Variants in PLA2G10 observed in about 807,000 individuals in gnomAD.
PLA2G10 encodes the protein phospholipase A2 group X.
Under a neutral mutation model 7.9 loss-of-function variants are expected in PLA2G10, and 9 were observed. The ratio of observed to expected loss-of-function variants is 1.14; its 90% confidence interval spans 0.68 to 1.98. The LOEUF (loss-of-function observed/expected upper bound fraction) is 1.98. Ranked by LOEUF, PLA2G10 falls within the 30% of genes most tolerant of loss-of-function variation. PLA2G10 has a pLI of 0.00. For synonymous variants in PLA2G10, 19 were observed against 27.5 expected, an observed-to-expected ratio of 0.69 and a Z score of 0.97; for missense variants, 53 against 65.4, an observed-to-expected ratio of 0.81 and a Z score of 0.66.
At chr16:14,684,258 G>A (rs900995714) in intron 3 of PLA2G10, among the ~76,000 whole-genome samples, 5 of 142,072 alleles carry the variant, frequency 3.5e-5, no homozygotes, top group Non-Finnish European at 7.6e-5. Context: ...AATAGCTTGA[G>A]TTCAGGAGGC....
chr16:14,685,754 G>C (rs1293042942), intron 3 of PLA2G10, among the ~76,000 whole-genome samples: 1 of 151,902 alleles, frequency 6.6e-6, no homozygotes, highest in Admixed American at 6.6e-5. Context: ...GAGTGCAATG[G>C]TGCAGTCTCG....
intron 3 of PLA2G10, among the ~76,000 whole-genome samples, chr16:14,674,262 C>T (rs949705168): frequency 6.6e-6 from 1 of 152,182 alleles, no homozygotes; most frequent in Admixed American, 6.6e-5. Flanking sequence ...AAATACATCC[C>T]ATGCTCATGG....
Position 14,672,647 on chromosome 16 carries a change from G to T in PLA2G10, c.458C>A (p.Pro153His). 6.2e-7 allele frequency: 1 copy of T among 1,614,076 alleles called. No individual in the cohort carries two copies. The highest frequency in any genetic ancestry group is 8.5e-7 in the Non-Finnish European group (1 of 1,179,946). ...TEYNLKYLFY[P>H]QFLCEPDSPK... ...CGAGTCCGGCTCACATAGGAACTGG[G>T]GGTAGAAGAGGTACTTTAAGTTGTA... The change falls in exon 4 of 4, where the codon CCC becomes CAC. Residue 153 changes from proline to histidine, a missense_variant. By Grantham distance (77) the Pro-to-His change is moderately conservative (BLOSUM62 -2). This residue lies in a region of PLA2G10 where 48 missense variants were observed against 47.0 expected (regional missense o/e 1.02). Coordinates refer to ENST00000438167, the MANE Select transcript of PLA2G10 (RefSeq NM_003561.3).
intron 3 of PLA2G10, among the ~76,000 whole-genome samples, chr16:14,682,795 A>G (rs1960928262): frequency 6.6e-6 from 1 of 151,874 alleles, no homozygotes; most frequent in Non-Finnish European, 1.5e-5. Flanking sequence ...TCAGCTGGGC[A>G]TGGTGGCTCA....
intron 3 of PLA2G10, among the ~76,000 whole-genome samples, chr16:14,675,570 A>G (rs1162210784): frequency 1.3e-5 from 2 of 152,152 alleles, no homozygotes; most frequent in Non-Finnish European, 2.9e-5. Flanking sequence ...TGCAAACTAC[A>G]TATCTGACAA....
chr16:14,672,764 G>A lies in PLA2G10; in HGVS notation c.356-15C>T, dbSNP rs1341738140. 6.2e-7 allele frequency: 1 copy of A among 1,613,504 alleles called. No homozygotes were observed. The highest frequency in any genetic ancestry group is 8.5e-7 in the Non-Finnish European group (1 of 1,179,674). ...CTCTGCCGGTCCTGGAAGAAGTGGG[G>A]AAACTGAGATTAGAGCAGGGACCTG... On this transcript the variant is annotated splice_polypyrimidine_tract_variant and intron_variant, in intron 3 of 3. Transcript: ENST00000438167.
chr16:14,674,325 G>T (rs1379439569), intron 3 of PLA2G10, among the ~76,000 whole-genome samples: 1 of 152,144 alleles, frequency 6.6e-6, no homozygotes, highest in East Asian at 1.9e-4. Flanking sequence ...GCAATCTACA[G>T]ATTCAATGCA....
intron 3 of PLA2G10, among the ~76,000 whole-genome samples, chr16:14,682,365 G>C (rs983904278): frequency 6.6e-6 from 1 of 151,908 alleles, no homozygotes; most frequent in Non-Finnish European, 1.5e-5. Context: ...GATGGATCAG[G>C]AGTTCAAGAC....
chr16:14,677,939 T>C (rs189647152), intron 3 of PLA2G10, among the ~76,000 whole-genome samples: 27 of 152,114 alleles, frequency 1.8e-4, no homozygotes, highest in Admixed American at 1.6e-3. Flanking sequence ...GATGGATAGA[T>C]GGATGATAGG....
At chr16:14,680,845 A>G (rs1342678375) in intron 3 of PLA2G10, among the ~76,000 whole-genome samples, 1 of 152,066 alleles carries the variant, frequency 6.6e-6, no homozygotes, top group Non-Finnish European at 1.5e-5. Context: ...GTAGACTCAC[A>G]GTAATATTTG....
intron 3 of PLA2G10, among the ~76,000 whole-genome samples, chr16:14,676,412 G>A: frequency 6.6e-6 from 1 of 152,216 alleles, no homozygotes; most frequent in East Asian, 1.9e-4. Context: ...TGGGTGCAGT[G>A]GCTCACGCCT....
chr16:14,673,726 G>A lies in PLA2G10; in HGVS notation c.356-977C>T, dbSNP rs115623553. Among the ~76,000 whole-genome samples, 722 of 152,034 alleles carry A rather than the reference G, an allele frequency of 4.7e-3. 9 individuals carry two copies. The highest frequency in any genetic ancestry group is 0.016 in the African/African-American group (683 of 41,462). On this transcript the variant is annotated intron_variant, in intron 3 of 3. Transcript: ENST00000438167. ...CTCCTCAATATACTAGGCATAGAAG[G>A]AACATACCTCAAAATAATAAAAGTG... is the stretch of plus-strand genomic sequence containing the variant.
At chr16:14,674,425 T>C (rs1960671351) in intron 3 of PLA2G10, among the ~76,000 whole-genome samples, 1 of 152,146 alleles carries the variant, frequency 6.6e-6, no homozygotes, top group African/African-American at 2.4e-5. Context: ...CCAAATAGGC[T>C]GGGCACAGTG....
chr16:14,687,182 T>A (rs948622433), intron 3 of PLA2G10, among the ~76,000 whole-genome samples: 4 of 151,114 alleles, frequency 2.6e-5, no homozygotes, highest in Non-Finnish European at 4.4e-5. Context: ...AAACAAACAA[T>A]AAATAAATAA....
intron 3 of PLA2G10, among the ~76,000 whole-genome samples, chr16:14,674,740 A>T (rs1356528090): frequency 6.6e-6 from 1 of 152,050 alleles, no homozygotes; most frequent in Non-Finnish European, 1.5e-5. Flanking sequence ...AGGCATCACT[A>T]CCCAGCTTCA....
chr16:14,685,370 CAA>C (rs1237588588), intron 3 of PLA2G10, among the ~76,000 whole-genome samples: 26 of 62,874 alleles, frequency 4.1e-4, no homozygotes, highest in Admixed American at 3.6e-4. Context: ...GATTTCGTGT[CAA>C]AAAAAAAAAA....
chr16:14,674,617 C>T (rs1010283103), intron 3 of PLA2G10, among the ~76,000 whole-genome samples: 1 of 152,010 alleles, frequency 6.6e-6, no homozygotes, highest in African/African-American at 2.4e-5. Flanking sequence ...AGGAGAATCA[C>T]TTAAACCTGG....
chr16:14,686,377 C>T (rs149488763), intron 3 of PLA2G10, among the ~76,000 whole-genome samples: 16 of 152,244 alleles, frequency 1.1e-4, no homozygotes, highest in African/African-American at 3.4e-4. Flanking sequence ...GTCTCGCTGC[C>T]GAAACTCAAG....
At chr16:14,677,803 T>A (rs1206802065) in intron 3 of PLA2G10, among the ~76,000 whole-genome samples, 1 of 148,638 alleles carries the variant, frequency 6.7e-6, no homozygotes, top group Non-Finnish European at 1.5e-5. Context: ...GGAAGATGGG[T>A]GGATGGATGA....
Sources: gnomAD v4.1 joint callset for allele counts (sites outside exome capture counted in the v4.1 genomes callset) on GRCh38, gnomAD v4.1.1 for gene constraint, gnomAD v4.1.1 regional missense constraint, MANE v1.5 for transcripts, NCBI Gene and HGNC (gene_info 2026-07-23, HGNC 2026-07-21) for gene names.